Variants in CNMD observed in about 807,000 individuals in gnomAD.
CNMD encodes chondromodulin.
CNMD carries 30 observed loss-of-function variants against 37.5 expected under a neutral mutation model. The observed-to-expected ratio is 0.80, with a 90% CI of 0.60 to 1.09. The LOEUF is 1.09. CNMD is among the 50% of genes least tolerant of loss of function. CNMD has a pLI of 0.00. For synonymous variants in CNMD, 167 were observed against 148.2 expected, an observed-to-expected ratio of 1.13 and a Z score of -0.92; for missense variants, 398 against 423.9, an observed-to-expected ratio of 0.94 and a Z score of 0.54.
chr13:52,712,113 CAGGA>C (rs1021868411), intron 5 of CNMD, among the ~76,000 whole-genome samples: 3 of 152,150 alleles, frequency 2.0e-5, no homozygotes, highest in Non-Finnish European at 4.4e-5. Flanking sequence ...AGGAGAAACT[CAGGA>C]GGGAGAGTGA....
At chr13:52,723,974 G>A (rs1187678862) in intron 4 of CNMD, 23 bp downstream of exon 4, 2 of 1,431,934 alleles carry the variant, frequency 1.4e-6, no homozygotes, top group Non-Finnish European at 9.9e-7. Context: ...CAGTCTCACT[G>A]TCTCAGGCAT....
chr13:52,724,426 A>G (rs1157737125), intron 3 of CNMD, among the ~76,000 whole-genome samples: 1 of 148,678 alleles, frequency 6.7e-6, no homozygotes, highest in African/African-American at 2.5e-5. Context: ...ACAAAAAAAA[A>G]AAAAAAAAAA....
At position 52,703,335 on chromosome 13, in the gene CNMD, T is replaced by C. The variant is rs1184987587; in HGVS notation, c.*260A>G. 3.1e-5 allele frequency: 11 copies of C among 360,582 alleles called. No individual in the cohort carries two copies. The highest frequency in any genetic ancestry group is 8.5e-5 in the East Asian group (2 of 23,522). The allele number at this position is 360,582 out of a possible 1,614,324, so 22.3% of individuals were successfully genotyped here. A position where few individuals can be genotyped will look rare whatever the true frequency, so the allele number is the denominator to read the frequency against. ...GAAGATACAAGCAAGGGAAGACTTA[T>C]GGCAAAGCAATGCAAATAAAAAATA... is the stretch of plus-strand genomic sequence containing the variant. On this transcript the variant is annotated 3_prime_UTR_variant, in exon 7 of 7. Coordinates refer to ENST00000377962, the MANE Select transcript of CNMD (RefSeq NM_007015.3).
At chr13:52,707,805 A>AT (rs1369431966) in intron 6 of CNMD, among the ~76,000 whole-genome samples, 2 of 152,126 alleles carry the variant, frequency 1.3e-5, no homozygotes, top group Non-Finnish European at 2.9e-5. Flanking sequence ...CTTACCCTTA[A>AT]TTATAAACCT....
chr13:52,733,183 C>T, intron 3 of CNMD, 36 bp downstream of exon 3: 1 of 1,612,280 alleles, frequency 6.2e-7, no homozygotes, highest in Non-Finnish European at 8.5e-7. Context: ...GCAGGCTTGC[C>T]TGGTTAAATT....
At chr13:52,721,626 T>G (rs9536256) in intron 4 of CNMD, among the ~76,000 whole-genome samples, 5,490 of 152,230 alleles carry the variant, frequency 0.036, 128 homozygotes, top group South Asian at 0.064. Flanking sequence ...CTGCACCCAC[T>G]GTCTAACCAC....
At chr13:52,738,393 A>C (rs1964811137) in intron 2 of CNMD, among the ~76,000 whole-genome samples, 1 of 152,206 alleles carries the variant, frequency 6.6e-6, no homozygotes, top group Non-Finnish European at 1.5e-5. Flanking sequence ...AGTTAGTAAA[A>C]CACCTACTAT....
At position 52,703,792 on chromosome 13, in the gene CNMD, T is replaced by C. The variant is rs1270791240; in HGVS notation, c.808A>G (p.Met270Val). Reference sequence around the variant, plus strand: ...TGATCCAGTCTAGGGTCGAATGTCATGCTTTCCCCTTCCTGCTGCTGTGAA... The same window carrying C: ...TGATCCAGTCTAGGGTCGAATGTCACGCTTTCCCCTTCCTGCTGCTGTGAA... ...NPYHQQEGESMTFDPRLDHEG... is the reference protein window; with the variant it reads ...NPYHQQEGESVTFDPRLDHEG... Residue 270 changes from methionine (M) to valine (V), a missense_variant, in exon 7 of 7, where the codon ATG becomes GTG. By Grantham distance (21) the Met-to-Val change is conservative. Transcript: ENST00000377962. 3 of 1,610,134 alleles carry C rather than the reference T, an allele frequency of 1.9e-6. No homozygotes were observed. The highest frequency in any genetic ancestry group is 2.5e-6 in the Non-Finnish European group (3 of 1,176,520).
At chr13:52,708,994 A>G (rs1041597462) in intron 5 of CNMD, among the ~76,000 whole-genome samples, 2 of 152,126 alleles carry the variant, frequency 1.3e-5, no homozygotes, top group Non-Finnish European at 2.9e-5. Flanking sequence ...GTCTGCCTTC[A>G]CTACTGGGGC....
At chr13:52,721,167 C>T (rs1964476088) in intron 4 of CNMD, among the ~76,000 whole-genome samples, 1 of 152,104 alleles carries the variant, frequency 6.6e-6, no homozygotes, top group Admixed American at 6.5e-5. Flanking sequence ...GCTCAAGTGT[C>T]CCAGGTCGAC....
At chr13:52,737,456 C>A (rs1964789134) in intron 2 of CNMD, among the ~76,000 whole-genome samples, 1 of 152,178 alleles carries the variant, frequency 6.6e-6, no homozygotes, top group African/African-American at 2.4e-5. Flanking sequence ...AGACAACCAA[C>A]CATCTTGCAG....
At chr13:52,721,591 C>T (rs1964483145) in intron 4 of CNMD, among the ~76,000 whole-genome samples, 1 of 152,216 alleles carries the variant, frequency 6.6e-6, no homozygotes, top group African/African-American at 2.4e-5. Flanking sequence ...TATGCCCCAC[C>T]CTGCTTTGGC....
In CNMD at chr13:52,708,714, T is replaced by A. The variant is rs747274000; in HGVS notation, c.623-12A>T. ...TTCCCTCTGGATTTCTGCAAAAATT[T>A]CTGTAAATTAATCCCTTTATTTGAA... is the stretch of plus-strand genomic sequence containing the variant. On this transcript the variant is annotated splice_polypyrimidine_tract_variant and intron_variant, in intron 5 of 6. Coordinates refer to ENST00000377962, the MANE Select transcript of CNMD (RefSeq NM_007015.3). The A allele has an allele frequency of 4.4e-6, 7 of 1,582,428 alleles. No individual in the cohort carries two copies. The East Asian group carries it at 1.6e-4, about 36-fold the overall frequency.
At chr13:52,725,385 C>T (rs1442306730) in intron 3 of CNMD, among the ~76,000 whole-genome samples, 1 of 152,118 alleles carries the variant, frequency 6.6e-6, no homozygotes, top group East Asian at 1.9e-4. Flanking sequence ...TTCTACAGCA[C>T]CTGGTTCTGA....
chr13:52,708,403 G>A (rs1566217635), intron 6 of CNMD, 133 bp downstream of exon 6: 3 of 668,284 alleles, frequency 4.5e-6, no homozygotes, highest in South Asian at 2.8e-5. Flanking sequence ...GGCTGGCCTC[G>A]AACTCCTGAC....
At position 52,708,550 on chromosome 13, in the gene CNMD, C is replaced by A. The variant is rs929729817; in HGVS notation, c.775G>T (p.Asp259Tyr). Residue 259 changes from aspartate to tyrosine, a missense_variant, in exon 6 of 7, where the codon GAT (aspartate) becomes TAT (tyrosine). Transcript: ENST00000377962. ...VQEDSQAFNP[D>Y]NPYHQQEGES... ...CCGGAACGCACATGATAAGGATTAT[C>A]AGGATTGAAGGCTTGTGAGTCCTCT... 3.7e-6 allele frequency: 6 copies of A among 1,609,792 alleles called. No individual in the cohort carries two copies. The African/African-American group carries it at 6.7e-5, about 18-fold the overall frequency.
Position 52,733,218 on chromosome 13 carries a change from C to G in CNMD, c.354+1G>C. On this transcript the variant is annotated splice_donor_variant, in intron 3 of 6. Coordinates refer to ENST00000377962, the MANE Select transcript of CNMD (RefSeq NM_007015.3). LOFTEE classifies it high-confidence loss of function. ...TCTCTAAATGCATGAAATATACTTA[C>G]ATTCTGGAAATCATTAACTGCAATT... 1 of 1,614,080 alleles carries G rather than the reference C, an allele frequency of 6.2e-7. No homozygotes were observed. The highest frequency in any genetic ancestry group is 1.1e-5 in the South Asian group (1 of 91,084).
At chr13:52,709,765 G>T (rs2408659) in intron 5 of CNMD, among the ~76,000 whole-genome samples, 1 of 152,116 alleles carries the variant, frequency 6.6e-6, no homozygotes, top group Non-Finnish European at 1.5e-5. Flanking sequence ...TTGAGGTCAG[G>T]AGTTCGAGAC....
intron 5 of CNMD, among the ~76,000 whole-genome samples, chr13:52,711,112 G>A (rs748837009): frequency 7.9e-5 from 12 of 152,054 alleles, no homozygotes; most frequent in Non-Finnish European, 1.2e-4. Flanking sequence ...TTCTATTCAC[G>A]GATGCACCTC....
Sources: gnomAD v4.1 joint callset for allele counts (sites outside exome capture counted in the v4.1 genomes callset) on GRCh38, gnomAD v4.1.1 for gene constraint, MANE v1.5 for transcripts, NCBI Gene and HGNC (gene_info 2026-07-23, HGNC 2026-07-21) for gene names.